The following AFF2 variants were observed in gnomAD, a reference collection of about 807,000 sequenced individuals.
The protein encoded by AFF2 is ALF transcription elongation factor 2.
In AFF2, 14 loss-of-function variants were observed where a neutral mutation model predicts 76.9. That is an observed-to-expected ratio of 0.18 (90% CI 0.12 to 0.28). The LOEUF (loss-of-function observed/expected upper bound fraction) is 0.28, where lower values mean the gene tolerates loss of function less well. Ranked by LOEUF, AFF2 falls within the 10% of genes least tolerant of loss-of-function variation. AFF2 has a pLI of 1.00. For missense variants in AFF2, 868 were observed against 1,001.1 expected, an observed-to-expected ratio of 0.87 and a Z score of 1.79; for synonymous variants, 398 against 366.7, an observed-to-expected ratio of 1.09 and a Z score of -0.98.
At chrX:148,772,210 T>G (rs1405652698) in intron 3 of AFF2, among the ~76,000 whole-genome samples, 1 of 112,378 alleles carries the variant, frequency 8.9e-6, no homozygotes, top group Non-Finnish European at 1.9e-5. Flanking sequence ...CCAGACTGAC[T>G]TTTTTAGACC....
chrX:148,551,636 A>G (rs1557238948), intron 1 of AFF2, among the ~76,000 whole-genome samples: 1 of 111,062 alleles, frequency 9.0e-6, no homozygotes, highest in East Asian at 2.8e-4. Flanking sequence ...CCATTCAAGA[A>G]GAGGACTTCC....
chrX:148,949,309 T>C (rs1349207083), intron 9 of AFF2, among the ~76,000 whole-genome samples: 1 of 111,407 alleles, frequency 9.0e-6, no homozygotes, highest in Admixed American at 9.5e-5. Flanking sequence ...AGACTATCTC[T>C]TAAAGCCCAT....
intron 1 of AFF2, among the ~76,000 whole-genome samples, chrX:148,533,623 C>T (rs1463453601): frequency 5.4e-5 from 6 of 111,588 alleles, no homozygotes; most frequent in Non-Finnish European, 9.4e-5. Context: ...TTTCTCTAAT[C>T]GGCGGTGGAT....
intron 1 of AFF2, among the ~76,000 whole-genome samples, chrX:148,626,904 A>T (rs903446921): frequency 6.3e-5 from 7 of 111,588 alleles, no homozygotes; most frequent in Admixed American, 5.7e-4. Context: ...TATATTTTGG[A>T]GATCACTATT....
chrX:148,807,460 A>G lies in AFF2; in HGVS notation c.1042-2416A>G, dbSNP rs186593843. On this transcript the variant is annotated intron_variant, in intron 3 of 20. Transcript: ENST00000370460. ...CTATTATTCTTTCCTTTTCTTTTAC[A>G]TTTGGAAAAACTAGAACTCAGAAAG... 2.7e-5 allele frequency among the ~76,000 whole-genome samples: 3 copies of G among 111,886 alleles called. No homozygotes were observed. In the East Asian group the frequency reaches 8.4e-4, roughly 31 times the overall value.
chrX:148,890,811 C>T (rs1190318413), intron 8 of AFF2, among the ~76,000 whole-genome samples: 2 of 112,232 alleles, frequency 1.8e-5, no homozygotes, highest in Non-Finnish European at 1.9e-5. Flanking sequence ...GGATGCTATA[C>T]TCACCTTGGC....
chrX:148,704,046 C>T (rs1204547818), intron 3 of AFF2, among the ~76,000 whole-genome samples: 1 of 104,446 alleles, frequency 9.6e-6, no homozygotes, highest in African/African-American at 3.5e-5. Context: ...CAGGTGCATG[C>T]CACCACACCC....
At chrX:148,928,184 T>C (rs782704255) in intron 9 of AFF2, among the ~76,000 whole-genome samples, 1 of 112,205 alleles carries the variant, frequency 8.9e-6, no homozygotes, top group South Asian at 3.7e-4. Context: ...TCTTATGAGA[T>C]AGCCATTTAG....
chrX:148,908,920 G>A (rs181581202), intron 9 of AFF2, among the ~76,000 whole-genome samples: 13 of 112,231 alleles, frequency 1.2e-4, no homozygotes, highest in Non-Finnish European at 2.4e-4. Flanking sequence ...TGGCAGAGTT[G>A]AGTAGTTGTG....
intron 3 of AFF2, among the ~76,000 whole-genome samples, chrX:148,732,236 A>G (rs1270035757): frequency 1.1e-5 from 1 of 92,196 alleles, no homozygotes; most frequent in Non-Finnish European, 2.1e-5. Flanking sequence ...ATGGAATACT[A>G]TGCAGCCATA....
chrX:148,717,835 A>T (rs1367320406), intron 3 of AFF2, among the ~76,000 whole-genome samples: 1 of 111,193 alleles, frequency 9.0e-6, no homozygotes, highest in African/African-American at 3.3e-5. Flanking sequence ...GCTGTTTTAG[A>T]CACCACTGGC....
intron 1 of AFF2, among the ~76,000 whole-genome samples, chrX:148,567,669 A>T (rs1162214138): frequency 1.3e-4 from 14 of 111,563 alleles, no homozygotes; most frequent in African/African-American, 4.6e-4. Context: ...CCCAAGAGAG[A>T]TAAACTGACC....
chrX:148,850,704 C>G (rs895497806), intron 7 of AFF2, among the ~76,000 whole-genome samples: 1 of 112,682 alleles, frequency 8.9e-6, no homozygotes, highest in South Asian at 3.7e-4. Context: ...TTTTAACACA[C>G]TTTCACACAA....
chrX:148,512,655 G>T (rs1415555232), intron 1 of AFF2, among the ~76,000 whole-genome samples: 1 of 112,112 alleles, frequency 8.9e-6, no homozygotes, highest in Non-Finnish European at 1.9e-5. Context: ...GAATCCTAAT[G>T]GGATCTGTCT....
chrX:148,766,353 G>A (rs368733188), intron 3 of AFF2, among the ~76,000 whole-genome samples: 4 of 110,092 alleles, frequency 3.6e-5, no homozygotes, highest in East Asian at 2.9e-4. Flanking sequence ...TCTCCACATC[G>A]TCTCCAGCAC....
chrX:148,864,687 A>G (rs1436655318), intron 7 of AFF2, among the ~76,000 whole-genome samples: 1 of 112,143 alleles, frequency 8.9e-6, no homozygotes, highest in Non-Finnish European at 1.9e-5. Flanking sequence ...GTTACCTACC[A>G]CTGGAACTGG....
chrX:148,615,488 T>G (rs1196254483), intron 1 of AFF2, among the ~76,000 whole-genome samples: 1 of 111,873 alleles, frequency 8.9e-6, no homozygotes, highest in Non-Finnish European at 1.9e-5. Context: ...AATGAATAGT[T>G]TCTGATTTTC....
At chrX:148,571,859 C>T (rs1557242572) in intron 1 of AFF2, among the ~76,000 whole-genome samples, 1 of 111,039 alleles carries the variant, frequency 9.0e-6, no homozygotes, top group African/African-American at 3.3e-5. Context: ...GATCCACCTA[C>T]ATATAGGAAG....
intron 1 of AFF2, among the ~76,000 whole-genome samples, chrX:148,593,259 T>C (rs782588643): frequency 8.9e-6 from 1 of 112,376 alleles, no homozygotes; most frequent in East Asian, 2.8e-4. Flanking sequence ...TTATAATTAG[T>C]GTATCATGGT....
Sources: gnomAD v4.1 joint callset for allele counts (sites outside exome capture counted in the v4.1 genomes callset) on GRCh38, gnomAD v4.1.1 for gene constraint, MANE v1.5 for transcripts, NCBI Gene and HGNC (gene_info 2026-07-23, HGNC 2026-07-21) for gene names.